The following TUBGCP2 variants were observed in gnomAD, a reference collection of about 807,000 sequenced individuals.
The protein encoded by TUBGCP2 is gamma-tubulin complex component 2.
Under a neutral mutation model 92.2 loss-of-function variants are expected in TUBGCP2, and 55 were observed. That is an observed-to-expected ratio of 0.60 (90% CI 0.48 to 0.75). TUBGCP2 has a LOEUF of 0.75. Among genes scored for constraint, TUBGCP2 ranks in the 30% least tolerant of loss-of-function variants. The probability of loss-of-function intolerance (pLI) is 0.00; values close to 1 mark genes in which losing one functional copy is unlikely to be tolerated. For missense variants in TUBGCP2, 1,093 were observed against 1,188.9 expected (o/e 0.92, Z 1.19); for synonymous variants, 533 against 505.2 (o/e 1.06, Z -0.74).
At position 133,285,467 on chromosome 10, in the gene TUBGCP2, G is replaced by A. The variant is rs1248246633; in HGVS notation, c.1884C>T (p.Leu628=). The change falls in exon 12 of 18, where the codon CTC becomes CTT. Residue 628 remains leucine, a synonymous_variant. Transcript: ENST00000252936. The surrounding 1 kb of genome is among the most constrained non-coding windows in gnomAD (Gnocchi z 6.8). ...FDYIVKWPLS[L]IINRKALTRY... ...CAGCCGACCCGCACCTGTTGATGAT[G>A]AGCGAAAGGGGCCACTTGACGATGT... The A allele has an allele frequency of 5.6e-6, 9 of 1,613,602 alleles. No homozygotes were observed. Among genetic ancestry groups the A allele is most frequent in the Non-Finnish European group, 7.6e-6 (9 of 1,179,878 alleles).
At chr10:133,304,265 G>A (rs1847752952) in intron 1 of TUBGCP2, among the ~76,000 whole-genome samples, 1 of 152,132 alleles carries the variant, frequency 6.6e-6, no homozygotes. Context: ...ACTCCAGCCT[G>A]GGCGACAGAG....
chr10:133,311,287 C>T (rs1847983258), upstream of TUBGCP2, among the ~76,000 whole-genome samples: 1 of 152,110 alleles, frequency 6.6e-6, no homozygotes, highest in Non-Finnish European at 1.5e-5. Flanking sequence ...CAAAGACTTA[C>T]GTGTAAAGTA....
chr10:133,280,952 C>T (rs1298562872), intron 17 of TUBGCP2, among the ~76,000 whole-genome samples: 1 of 147,322 alleles, frequency 6.8e-6, no homozygotes, highest in African/African-American at 2.5e-5. Flanking sequence ...AGCACTGGGC[C>T]AGGGCGGTGT....
In TUBGCP2 at chr10:133,285,812, C is replaced by A. The variant is rs759443189; in HGVS notation, c.1723-184G>T. 6.6e-6 allele frequency among the ~76,000 whole-genome samples: 1 copy of A among 152,068 alleles called. No individual in the cohort carries two copies. The highest frequency in any genetic ancestry group is 2.4e-5 in the African/African-American group (1 of 41,410). ...TGATAAATCAAATTCAAAACTGAAC[C>A]ACTTCCCATCAGAACAAAACAACAA... On this transcript the variant is annotated intron_variant, in intron 11 of 17. Coordinates refer to ENST00000252936, the MANE Select transcript of TUBGCP2 (RefSeq NM_006659.4). The surrounding 1 kb of genome is among the most constrained non-coding windows in gnomAD (Gnocchi z 6.8).
Position 133,281,433 on chromosome 10 carries a change from G to C in TUBGCP2, c.2413C>G (p.Leu805Val). The C allele has an allele frequency of 1.2e-6, 2 of 1,612,236 alleles. No individual in the cohort carries two copies. Among genetic ancestry groups the C allele is most frequent in the Non-Finnish European group, 1.7e-6 (2 of 1,179,798 alleles). ...TGCACAGTGTCTGCGTGCTCAGCCA[G>C]GTGCTGGAAAGAAAGCCGGGGTGCG... The part of the protein sequence containing the change: ...RARKELARKH[L>V]AEHADTVQLV... The change falls in exon 17 of 18, where the codon CTG (leucine) becomes GTG (valine). Residue 805 changes from leucine to valine, a missense_variant. Coordinates refer to ENST00000252936, the MANE Select transcript of TUBGCP2 (RefSeq NM_006659.4).
intron 11 of TUBGCP2, among the ~76,000 whole-genome samples, chr10:133,286,581 C>T (rs1847138563): frequency 6.6e-6 from 1 of 151,886 alleles, no homozygotes; most frequent in Admixed American, 6.6e-5. Flanking sequence ...CCTCCTCCCG[C>T]GCGCACGGAA....
At position 133,289,843 on chromosome 10, in the gene TUBGCP2, C is replaced by T. The variant is rs776560821; in HGVS notation, c.1341G>A (p.Ala447=). Residue 447 remains alanine (A), a synonymous_variant, in exon 9 of 18, where the codon GCG becomes GCA. Coordinates refer to ENST00000252936, the MANE Select transcript of TUBGCP2 (RefSeq NM_006659.4). The part of the protein sequence containing the change: ...QQIPSFLQKM[A]DKILSTGKYL... ...CCGCACCTGTGCTGAGGATCTTGTC[C>T]GCCATTTTCTGCAGGAAGGACGGGA... The T allele has an allele frequency of 2.0e-4, 129 of 643,756 alleles. No homozygotes were observed. The highest frequency in any genetic ancestry group is 3.7e-4 in the Middle Eastern group (1 of 2,710). The allele number at this position is 643,756 out of a possible 1,614,324, so 39.9% of individuals were successfully genotyped here. A position where few individuals can be genotyped will look rare whatever the true frequency, so the allele number is the denominator to read the frequency against.
chr10:133,278,763 G>A lies in TUBGCP2; in HGVS notation c.*1003C>T, dbSNP rs1846886413. On this transcript the variant is annotated 3_prime_UTR_variant, in exon 18 of 18. Coordinates refer to ENST00000252936, the MANE Select transcript of TUBGCP2 (RefSeq NM_006659.4). Reference sequence around the variant, plus strand: ...GGTGCTCTCAGTGAGGCAGCCCCGGGTGAGAGCTGCCCACAACCCTTGTTC... The same window carrying A: ...GGTGCTCTCAGTGAGGCAGCCCCGGATGAGAGCTGCCCACAACCCTTGTTC... The A allele has an allele frequency of 1.0e-5, 1 of 99,800 alleles. No homozygotes were observed. The allele number at this position is 99,800 out of a possible 1,614,324, so 6.2% of individuals were successfully genotyped here.
In TUBGCP2 at chr10:133,285,059, C is replaced by A. The variant is rs780329895; in HGVS notation, c.2024+26G>T. ...TGCAGCGAGCGCTGCTTCAGGAGGG[C>A]ATGCGGGGGCAGAGGAAGAACGCAC... On this transcript the variant is annotated intron_variant, in intron 13 of 17. Coordinates refer to ENST00000252936, the MANE Select transcript of TUBGCP2 (RefSeq NM_006659.4). The surrounding 1 kb of genome is among the most constrained non-coding windows in gnomAD (Gnocchi z 6.8). The A allele has an allele frequency of 1.3e-6, 2 of 1,580,814 alleles. No individual in the cohort carries two copies. The highest frequency in any genetic ancestry group is 1.7e-6 in the Non-Finnish European group (2 of 1,159,722).
Position 133,279,499 on chromosome 10 carries a change from C to T in TUBGCP2, c.*267G>A, listed in dbSNP as rs1589818793. 5.2e-5 allele frequency: 26 copies of T among 499,640 alleles called. No individual in the cohort carries two copies. In the South Asian group the frequency reaches 7.5e-4, roughly 14 times the overall value. The allele number at this position is 499,640 out of a possible 1,614,324, so 31.0% of individuals were successfully genotyped here. On this transcript the variant is annotated 3_prime_UTR_variant, in exon 18 of 18. Coordinates refer to ENST00000252936, the MANE Select transcript of TUBGCP2 (RefSeq NM_006659.4). Reference sequence around the variant, plus strand: ...CTGGCTTAAACACCATGTATTTCCACTTTGAGGCCAAAAACACCCAAAAAG... The same window carrying T: ...CTGGCTTAAACACCATGTATTTCCATTTTGAGGCCAAAAACACCCAAAAAG...
In TUBGCP2 at chr10:133,299,620, CTG is replaced by C. The variant is rs575277168; in HGVS notation, c.280-19_280-18del. The C allele has an allele frequency of 3.3e-3, 5,318 of 1,589,336 alleles. 16 individuals are homozygous for C. The highest frequency in any genetic ancestry group is 4.3e-3 in the Non-Finnish European group (5,014 of 1,163,190). ...CTGCAGAGTCTGAAAACATGTAAAA[CTG>C]TGTGTTCACACTGGGCCAGCACCTC... On this transcript the variant is annotated intron_variant, in intron 3 of 17. Transcript: ENST00000252936.
chr10:133,294,993 C>G (rs1847456299), intron 5 of TUBGCP2, among the ~76,000 whole-genome samples: 1 of 152,166 alleles, frequency 6.6e-6, no homozygotes, highest in Admixed American at 6.5e-5. Flanking sequence ...GGAACTGCCT[C>G]TGACTCTGCA....
Position 133,291,271 on chromosome 10 carries a change from A to G in TUBGCP2, c.1214+1228T>C, listed in dbSNP as rs112349489. The stretch of plus-strand genomic sequence containing the variant: ...TCCCCCATGTCCCTCCGTGTCCCCC[A>G]TGTCCCTCCGTGTCCCTGTGTCCCG... On this transcript the variant is annotated intron_variant, in intron 8 of 17. Transcript: ENST00000252936. Among the ~76,000 whole-genome samples the G allele has an allele frequency of 7.7e-3, 266 of 34,624 alleles. 3 individuals carry two copies. The highest frequency in any genetic ancestry group is 0.06 in the African/African-American group (84 of 1,398). 22.7% of individuals were successfully genotyped at this position (34,624 alleles called of 152,430 possible). A position where few individuals can be genotyped will look rare whatever the true frequency, so the allele number is the denominator to read the frequency against.
chr10:133,280,883 A>G (rs1323519686), intron 17 of TUBGCP2, among the ~76,000 whole-genome samples: 3 of 125,632 alleles, frequency 2.4e-5, no homozygotes, highest in Non-Finnish European at 3.4e-5. Flanking sequence ...GCACTGGGCC[A>G]GGGCGGTGCT....
chr10:133,308,960 C>G, upstream of TUBGCP2: 6 of 1,239,346 alleles, frequency 4.8e-6, no homozygotes, highest in Non-Finnish European at 6.1e-6. Context: ...TTGCCCCCCG[C>G]GCTGTGCGCC....
rs201503970 is a variant in TUBGCP2, at chr10:133,285,230, G to A, written c.1896-17C>T. On this transcript the variant is annotated splice_polypyrimidine_tract_variant and intron_variant, in intron 12 of 17. Transcript: ENST00000252936. This position sits in a 1 kb window ranked among gnomAD's most constrained non-coding sequence, Gnocchi z 6.8. ...AGGGCTTTCCTGCAAGAGACGTGGC[G>A]GCACCTCAGGTGGGCCTCCGTGACC... 40 of 1,610,610 alleles carry A rather than the reference G, an allele frequency of 2.5e-5. No individual in the cohort carries two copies. Among genetic ancestry groups the A allele is most frequent in the African/African-American group, 2.3e-4 (17 of 75,064 alleles).
chr10:133,283,142 G>C lies in TUBGCP2; in HGVS notation c.2225C>G (p.Pro742Arg), dbSNP rs749807927. The change falls in exon 15 of 18, where the codon CCC becomes CGC. Residue 742 changes from proline (P) to arginine (R), a missense_variant. Pro to Arg is a moderately radical substitution (Grantham distance 103). Around this residue, in one of 3 missense-constraint regions of TUBGCP2, gnomAD observed 598 missense variants for 675.5 expected, o/e 0.89. Transcript: ENST00000252936. ...TCLKDCMLTN[P>R]ELLKVFSKLM... ...CTTGGAGAAGACCTTCAGCAGCTCG[G>C]GGTTGGTGAGCATGCAGTCCTTCAG... 23 of 1,614,230 alleles carry C rather than the reference G, an allele frequency of 1.4e-5. No individual in the cohort carries two copies. In the South Asian group the frequency reaches 2.5e-4, roughly 18 times the overall value.
At chr10:133,287,979 G>T in intron 11 of TUBGCP2, 150 bp downstream of exon 11, 3 of 1,140,816 alleles carry the variant, frequency 2.6e-6, no homozygotes, top group Non-Finnish European at 3.6e-6. Flanking sequence ...ATCCCGGCAA[G>T]CCGGCCCCGG....
chr10:133,304,372 C>A (rs1165266635), intron 1 of TUBGCP2, among the ~76,000 whole-genome samples: 1 of 152,060 alleles, frequency 6.6e-6, no homozygotes, highest in Non-Finnish European at 1.5e-5. Flanking sequence ...ACTTTACATG[C>A]TTCACAAACA....
Sources: allele counts gnomAD v4.1 joint callset (sites outside exome capture counted in the v4.1 genomes callset), GRCh38; gene constraint gnomAD v4.1.1; regional missense constraint gnomAD v4.1.1; non-coding constraint Gnocchi (gnomAD v3.1); transcripts MANE v1.5; gene names NCBI Gene and HGNC (gene_info 2026-07-23, HGNC 2026-07-21).